The following CTIF variants were observed in gnomAD, a reference collection of about 807,000 sequenced individuals.
CTIF encodes the protein cap binding complex dependent translation initiation factor, also known as CBP80/20-dependent translation initiation factor.
A neutral mutation model predicts 66.0 loss-of-function variants in CTIF; 21 were observed. The ratio of observed to expected loss-of-function variants is 0.32; its 90% CI spans 0.23 to 0.46. CTIF has a LOEUF of 0.46. Among genes scored for constraint, CTIF ranks in the 20% least tolerant of loss-of-function variants. The pLI is 1.00. For missense variants in CTIF, 739 were observed against 812.7 expected (o/e 0.91, Z 1.10); for synonymous variants, 345 against 326.4 (o/e 1.06, Z -0.62).
chr18:48,854,964 C>T (rs1045079260), intron 10 of CTIF, among the ~76,000 whole-genome samples: 10 of 151,044 alleles, frequency 6.6e-5, no homozygotes, highest in Non-Finnish European at 8.8e-5. Flanking sequence ...CAGTGCTTAC[C>T]GCCATCTGAT....
At chr18:48,683,839 G>C (rs1018887810) in intron 6 of CTIF, among the ~76,000 whole-genome samples, 2 of 152,222 alleles carry the variant, frequency 1.3e-5, no homozygotes, top group Admixed American at 1.3e-4. Flanking sequence ...TGTCTGCTGA[G>C]ACAAGCGTGG....
intron 7 of CTIF, among the ~76,000 whole-genome samples, chr18:48,722,029 C>T (rs2092342671): frequency 6.6e-6 from 1 of 152,106 alleles, no homozygotes; most frequent in African/African-American, 2.4e-5. Context: ...ATGTTGGAGG[C>T]TGGCCAGGGC....
intron 2 of CTIF, among the ~76,000 whole-genome samples, chr18:48,621,008 A>G (rs1486578389): frequency 6.6e-6 from 1 of 152,100 alleles, no homozygotes; most frequent in Non-Finnish European, 1.5e-5. Context: ...TGCTTTCTTT[A>G]GTGTCCTTGA....
chr18:48,781,276 T>C (rs1196044942), intron 9 of CTIF, among the ~76,000 whole-genome samples: 1 of 152,098 alleles, frequency 6.6e-6, no homozygotes. Flanking sequence ...GGGCCGGGCC[T>C]GCAGAAGGGA....
intron 1 of CTIF, among the ~76,000 whole-genome samples, chr18:48,615,051 C>T (rs575890267): frequency 6.6e-6 from 1 of 152,058 alleles, no homozygotes; most frequent in Non-Finnish European, 1.5e-5. Flanking sequence ...TGCGACCATG[C>T]TCAGCTAATT....
At chr18:48,588,898 TCAGCCACACA>T (rs2089829694) in intron 1 of CTIF, among the ~76,000 whole-genome samples, 1 of 132,280 alleles carries the variant, frequency 7.6e-6, no homozygotes, top group Non-Finnish European at 1.7e-5. Context: ...TGCCACCTCC[TCAGCCACACA>T]GTGGCTGAGG....
intron 3 of CTIF, among the ~76,000 whole-genome samples, chr18:48,637,369 G>A (rs1245844060): frequency 6.6e-6 from 1 of 152,186 alleles, no homozygotes; most frequent in Non-Finnish European, 1.5e-5. Context: ...TGGTCCAGCT[G>A]TTCTCACTGA....
intron 7 of CTIF, among the ~76,000 whole-genome samples, chr18:48,748,319 AGT>A (rs1168424200): frequency 6.6e-6 from 1 of 151,586 alleles, no homozygotes; most frequent in Non-Finnish European, 1.5e-5. Flanking sequence ...GGGGCCACTC[AGT>A]GTTTGTTAAA....
chr18:48,769,744 G>A (rs1909923183), intron 9 of CTIF, among the ~76,000 whole-genome samples: 1 of 152,244 alleles, frequency 6.6e-6, no homozygotes, highest in African/African-American at 2.4e-5. Context: ...CTTGTTGTCT[G>A]CACTTGCTTT....
At chr18:48,545,665 C>A (rs1267604332) in intron 1 of CTIF, among the ~76,000 whole-genome samples, 1 of 152,036 alleles carries the variant, frequency 6.6e-6, no homozygotes, top group Non-Finnish European at 1.5e-5. Flanking sequence ...GAGTTCAGTG[C>A]TCCGGTATTG....
chr18:48,761,416 T>A lies in CTIF; in HGVS notation c.1098T>A (p.Thr366=), dbSNP rs1193869504. Reference sequence around the variant, plus strand: ...ATGAAGTGGCCGTGGAGACGACCACTCCCCAGCAGAACAAGATGGACAAGC... The same window carrying A: ...ATGAAGTGGCCGTGGAGACGACCACACCCCAGCAGAACAAGATGGACAAGC... ...EKDEVAVETT[T]PQQNKMDKLI... Residue 366 remains threonine, a synonymous_variant, in exon 9 of 12, where the codon ACT becomes ACA. Coordinates refer to ENST00000256413, the MANE Select transcript of CTIF (RefSeq NM_014772.3). The surrounding 1 kb of genome is among the most constrained non-coding windows in gnomAD (Gnocchi z 4.2). 1.9e-6 allele frequency: 3 copies of A among 1,613,742 alleles called. No homozygotes were observed. In the South Asian group the frequency reaches 3.3e-5, roughly 18 times the overall value.
At chr18:48,573,987 G>C (rs761905159) in intron 1 of CTIF, among the ~76,000 whole-genome samples, 2 of 152,238 alleles carry the variant, frequency 1.3e-5, no homozygotes, top group African/African-American at 4.8e-5. Context: ...TGGCCATACA[G>C]GTCACCTTCC....
intron 9 of CTIF, among the ~76,000 whole-genome samples, chr18:48,771,490 AG>A (rs1436159452): frequency 1.3e-5 from 2 of 152,196 alleles, no homozygotes; most frequent in Non-Finnish European, 2.9e-5. Flanking sequence ...TACCCAGGTC[AG>A]GAATTATTTC....
In CTIF at chr18:48,829,866, T is replaced by G. The variant is rs538489401; in HGVS notation, c.1527+12490T>G. On this transcript the variant is annotated intron_variant, in intron 10 of 11. Coordinates refer to ENST00000256413, the MANE Select transcript of CTIF (RefSeq NM_014772.3). ...GATGATATCCACCTGCTGCCATTCTTGCCTTCAGATGTGAATGATGTTTAG... is the reference window on the plus strand; with the variant it reads ...GATGATATCCACCTGCTGCCATTCTGGCCTTCAGATGTGAATGATGTTTAG... Among the ~76,000 whole-genome samples the G allele has an allele frequency of 2.6e-5, 4 of 152,330 alleles. No individual in the cohort carries two copies. In the South Asian group the frequency reaches 8.3e-4, roughly 32 times the overall value.
chr18:48,822,056 G>A (rs959788128), intron 10 of CTIF, among the ~76,000 whole-genome samples: 14 of 152,318 alleles, frequency 9.2e-5, no homozygotes, highest in Non-Finnish European at 1.8e-4. Context: ...GATACCTCAT[G>A]TAAATGGAAT....
intron 10 of CTIF, among the ~76,000 whole-genome samples, chr18:48,835,750 A>C (rs1318124339): frequency 6.6e-6 from 1 of 152,124 alleles, no homozygotes; most frequent in African/African-American, 2.4e-5. Flanking sequence ...CTATGTGAGG[A>C]TCAAGTAGGA....
chr18:48,745,861 G>A (rs181484379), intron 7 of CTIF, among the ~76,000 whole-genome samples: 33 of 152,320 alleles, frequency 2.2e-4, no homozygotes, highest in African/African-American at 5.3e-4. Context: ...CTGTGATAAC[G>A]TCTCACCATG....
intron 1 of CTIF, among the ~76,000 whole-genome samples, chr18:48,584,884 T>G (rs1028242005): frequency 6.6e-6 from 1 of 152,256 alleles, no homozygotes; most frequent in Admixed American, 6.5e-5. Flanking sequence ...TGCATTAATC[T>G]TAAGTGCACA....
chr18:48,568,991 T>G (rs2089348848), intron 1 of CTIF, among the ~76,000 whole-genome samples: 1 of 152,162 alleles, frequency 6.6e-6, no homozygotes, highest in African/African-American at 2.4e-5. Flanking sequence ...TTCTGAGGCC[T>G]CTCTCCTTGG....
Sources: allele counts gnomAD v4.1 joint callset (sites outside exome capture counted in the v4.1 genomes callset), GRCh38; gene constraint gnomAD v4.1.1; non-coding constraint Gnocchi (gnomAD v3.1); transcripts MANE v1.5; gene names NCBI Gene and HGNC (gene_info 2026-07-23, HGNC 2026-07-21).